The following PLCXD3 variants were observed in gnomAD, a reference collection of about 807,000 sequenced individuals.
The protein encoded by PLCXD3 is phosphatidylinositol specific phospholipase C X domain containing 3, also known as PI-PLC X domain-containing protein 3.
In PLCXD3, 19 loss-of-function variants were observed where a neutral mutation model predicts 25.5. The observed-to-expected ratio is 0.75, with a 90% confidence interval of 0.52 to 1.09. The LOEUF is 1.09. Ranked by LOEUF, PLCXD3 falls within the 50% of genes least tolerant of loss-of-function variation. PLCXD3 has a pLI of 0.00. For synonymous variants in PLCXD3, 174 were observed against 137.6 expected (o/e 1.26, Z -1.85); for missense variants, 411 against 388.1 (o/e 1.06, Z -0.50).
chr5:41,351,255 C>T (rs1226745984), intron 2 of PLCXD3, among the ~76,000 whole-genome samples: 1 of 152,130 alleles, frequency 6.6e-6, no homozygotes, highest in East Asian at 1.9e-4. Flanking sequence ...TCATGCCACA[C>T]ACCTTTCTCA....
intron 1 of PLCXD3, among the ~76,000 whole-genome samples, chr5:41,486,695 G>T (rs976797984): frequency 1.3e-5 from 2 of 152,146 alleles, no homozygotes; most frequent in African/African-American, 4.8e-5. Context: ...AGTAAATGAG[G>T]TTAGTTAGAT....
At chr5:41,351,330 T>C (rs1744453849) in intron 2 of PLCXD3, among the ~76,000 whole-genome samples, 1 of 152,162 alleles carries the variant, frequency 6.6e-6, no homozygotes, top group Non-Finnish European at 1.5e-5. Context: ...CACACGAATG[T>C]CTCTTCCCAT....
rs545716816 is a variant in PLCXD3, at chr5:41,441,149, C to T, written c.104-58615G>A. The stretch of plus-strand genomic sequence containing the variant: ...CTTTAAGATAGTTCAACTGGGCTTT[C>T]GGTACCTGAAAAGACAGCAACCTGA... On this transcript the variant is annotated intron_variant, in intron 1 of 2. Coordinates refer to ENST00000377801, the MANE Select transcript of PLCXD3 (RefSeq NM_001005473.3). Among the ~76,000 whole-genome samples, 34 of 152,150 alleles carry T rather than the reference C, an allele frequency of 2.2e-4. No individual in the cohort carries two copies. The South Asian group carries it at 5.4e-3, about 24-fold the overall frequency.
rs113034986 is a variant in PLCXD3 at position 41,436,138 on chromosome 5, C to G, written c.104-53604G>C. Among the ~76,000 whole-genome samples the G allele has an allele frequency of 6.6e-5, 10 of 152,196 alleles. 3 individuals carry two copies. Among genetic ancestry groups the G allele is most frequent in the African/African-American group, 2.4e-4 (10 of 41,514 alleles). On this transcript the variant is annotated intron_variant, in intron 1 of 2. Transcript: ENST00000377801. ...CCCACATTTGGATGGGTTAGGCATC[C>G]ATTCTGACTAAATGTCTGATGCAGA...
chr5:41,477,458 G>C (rs945487335), intron 1 of PLCXD3, among the ~76,000 whole-genome samples: 1 of 152,084 alleles, frequency 6.6e-6, no homozygotes, highest in African/African-American at 2.4e-5. Flanking sequence ...TACCTTCTCT[G>C]TGTGCCAGCA....
intron 1 of PLCXD3, among the ~76,000 whole-genome samples, chr5:41,421,931 C>A (rs1433720605): frequency 6.6e-6 from 1 of 152,042 alleles, no homozygotes; most frequent in African/African-American, 2.4e-5. Flanking sequence ...TGCTTTTCTT[C>A]ATATATTTAC....
rs1489182329 is a variant in PLCXD3, at chr5:41,345,946, C to T, written c.813-32176G>A. 4.0e-5 allele frequency among the ~76,000 whole-genome samples: 6 copies of T among 150,970 alleles called. No homozygotes were observed. The East Asian group carries it at 1.2e-3, about 30-fold the overall frequency. ...CTGGGCTGGAGTGCAGTGGCACTAT[C>T]TTGGCTCACTGCAATCTCCACCTAC... On this transcript the variant is annotated intron_variant, in intron 2 of 2. Transcript: ENST00000377801.
At chr5:41,445,811 C>T (rs561678697) in intron 1 of PLCXD3, among the ~76,000 whole-genome samples, 1 of 152,080 alleles carries the variant, frequency 6.6e-6, no homozygotes, top group African/African-American at 2.4e-5. Context: ...CACAAAACAT[C>T]GTCCCTATGT....
intron 2 of PLCXD3, among the ~76,000 whole-genome samples, chr5:41,353,721 C>T (rs537130384): frequency 7.2e-5 from 11 of 152,188 alleles, no homozygotes; most frequent in South Asian, 4.2e-4. Context: ...GTGATGAAAT[C>T]ACTCACTGGG....
intron 1 of PLCXD3, among the ~76,000 whole-genome samples, chr5:41,440,484 T>C (rs922966316): frequency 1.9e-4 from 29 of 151,982 alleles, no homozygotes; most frequent in African/African-American, 6.0e-4. Flanking sequence ...CCACCTGCCT[T>C]GGCCTCCCAA....
chr5:41,460,272 G>T (rs1580384112), intron 1 of PLCXD3, among the ~76,000 whole-genome samples: 1 of 151,858 alleles, frequency 6.6e-6, no homozygotes, highest in East Asian at 1.9e-4. Flanking sequence ...GGTGTTGGCT[G>T]AATTTTAATA....
chr5:41,309,888 G>C lies in PLCXD3; in HGVS notation c.*3729C>G, dbSNP rs1216296392. 1 of 152,002 alleles carries C rather than the reference G, an allele frequency of 6.6e-6. No individual in the cohort carries two copies. The highest frequency in any genetic ancestry group is 1.5e-5 in the Non-Finnish European group (1 of 67,968). The allele number at this position is 152,002 out of a possible 1,614,324, so 9.4% of individuals were successfully genotyped here. On this transcript the variant is annotated 3_prime_UTR_variant, in exon 3 of 3. Coordinates refer to ENST00000377801, the MANE Select transcript of PLCXD3 (RefSeq NM_001005473.3). The stretch of plus-strand genomic sequence containing the variant: ...TTAAATATTTAAATATTTGAATTAT[G>C]TTTATATCTACTAATGTAGGAGATA...
chr5:41,487,041 T>C, intron 1 of PLCXD3, among the ~76,000 whole-genome samples: 1 of 75,238 alleles, frequency 1.3e-5, no homozygotes, highest in South Asian at 3.6e-4. Flanking sequence ...AATAACATAC[T>C]TTTTTTTCTG....
intron 1 of PLCXD3, among the ~76,000 whole-genome samples, chr5:41,457,296 A>G (rs1310002510): frequency 6.6e-6 from 1 of 151,934 alleles, no homozygotes; most frequent in Non-Finnish European, 1.5e-5. Context: ...ATGATAACAA[A>G]AGTAAGTACA....
intron 1 of PLCXD3, among the ~76,000 whole-genome samples, chr5:41,474,938 G>A (rs886655342): frequency 1.1e-4 from 16 of 152,178 alleles, no homozygotes; most frequent in African/African-American, 3.9e-4. Context: ...GCTTCCAGGT[G>A]TTCTGCAATC....
chr5:41,475,292 A>T (rs1748255362), intron 1 of PLCXD3, among the ~76,000 whole-genome samples: 1 of 152,136 alleles, frequency 6.6e-6, no homozygotes, highest in African/African-American at 2.4e-5. Context: ...TTTGTCATTC[A>T]TCTGGTTGAT....
intron 2 of PLCXD3, among the ~76,000 whole-genome samples, chr5:41,335,978 T>G: frequency 6.6e-6 from 1 of 152,122 alleles, no homozygotes; most frequent in East Asian, 1.9e-4. Context: ...TTCATGAGGC[T>G]AAATAAAAAC....
intron 2 of PLCXD3, among the ~76,000 whole-genome samples, chr5:41,326,530 A>G (rs1047741652): frequency 6.6e-6 from 1 of 152,018 alleles, no homozygotes; most frequent in Admixed American, 6.6e-5. Flanking sequence ...TTTGTTCTCC[A>G]GTGATACTGA....
chr5:41,506,888 T>C (rs1324194805), intron 1 of PLCXD3, among the ~76,000 whole-genome samples: 1 of 152,234 alleles, frequency 6.6e-6, no homozygotes, highest in Non-Finnish European at 1.5e-5. Flanking sequence ...ATGGATTCTT[T>C]CTGAGTTTCC....
Sources: allele counts gnomAD v4.1 joint callset (sites outside exome capture counted in the v4.1 genomes callset), GRCh38; gene constraint gnomAD v4.1.1; transcripts MANE v1.5; gene names NCBI Gene and HGNC (gene_info 2026-07-23, HGNC 2026-07-21).